Variants in PACS1 observed in about 807,000 individuals in gnomAD.
PACS1 encodes phosphofurin acidic cluster sorting protein 1.
Under a neutral mutation model 115.0 loss-of-function variants are expected in PACS1, and 24 were observed. The observed-to-expected ratio is 0.21, with a 90% CI of 0.15 to 0.29. The LOEUF (loss-of-function observed/expected upper bound fraction) is 0.29, where lower values mean the gene tolerates loss of function less well. Among genes scored for constraint, PACS1 ranks in the 10% least tolerant of loss-of-function variants. The pLI, the probability that PACS1 is intolerant of heterozygous loss-of-function variation, is 1.00. For synonymous variants in PACS1, 453 were observed against 504.5 expected (o/e 0.90, Z 1.37); for missense variants, 838 against 1,251.2 (o/e 0.67, Z 4.98).
chr11:66,206,640 G>C (rs949939874), intron 2 of PACS1, among the ~76,000 whole-genome samples: 3 of 152,254 alleles, frequency 2.0e-5, no homozygotes, highest in Admixed American at 2.0e-4. Context: ...GGCTACTGCT[G>C]TTGGAAGGTG....
intron 1 of PACS1, among the ~76,000 whole-genome samples, chr11:66,086,052 A>G (rs1399253717): frequency 6.6e-6 from 1 of 152,090 alleles, no homozygotes; most frequent in East Asian, 1.9e-4. Flanking sequence ...AAAACAAAGT[A>G]TAATCTTTCC....
intron 1 of PACS1, among the ~76,000 whole-genome samples, chr11:66,175,900 A>C (rs1330475062): frequency 6.6e-6 from 1 of 152,024 alleles, no homozygotes; most frequent in Non-Finnish European, 1.5e-5. Flanking sequence ...CTCAGATTGA[A>C]TTTTTTTCCT....
chr11:66,123,433 C>G (rs182731427), intron 1 of PACS1, among the ~76,000 whole-genome samples: 246 of 152,262 alleles, frequency 1.6e-3, no homozygotes, highest in Middle Eastern at 6.8e-3. Context: ...CTAAGGTGAT[C>G]CACCTGCCTC....
chr11:66,172,435 C>T (rs1201697131), intron 1 of PACS1, among the ~76,000 whole-genome samples: 1 of 152,176 alleles, frequency 6.6e-6, no homozygotes. Flanking sequence ...CTGTGGGATG[C>T]CGGCTGCCAT....
At chr11:66,087,091 C>T (rs1041469107) in intron 1 of PACS1, among the ~76,000 whole-genome samples, 4 of 152,080 alleles carry the variant, frequency 2.6e-5, no homozygotes, top group African/African-American at 9.7e-5. Flanking sequence ...ACATTACCAA[C>T]GCCCCAGAAC....
chr11:66,182,573 T>C (rs939382079), intron 1 of PACS1, among the ~76,000 whole-genome samples: 1 of 152,092 alleles, frequency 6.6e-6, no homozygotes, highest in Non-Finnish European at 1.5e-5. Context: ...TGTGAGCCTC[T>C]CACCTTAGCC....
intron 1 of PACS1, among the ~76,000 whole-genome samples, chr11:66,137,292 TA>T (rs1858869012): frequency 6.6e-6 from 1 of 152,102 alleles, no homozygotes; most frequent in South Asian, 2.1e-4. Flanking sequence ...TTAAATCTTT[TA>T]TGCATCTAGA....
chr11:66,230,325 T>TG, intron 11 of PACS1: 1 of 551,768 alleles, frequency 1.8e-6, no homozygotes, highest in Non-Finnish European at 3.3e-6. Flanking sequence ...GGATATTTAC[T>TG]GGATTGCAGC....
chr11:66,117,907 G>T (rs138793366), intron 1 of PACS1, among the ~76,000 whole-genome samples: 38 of 152,234 alleles, frequency 2.5e-4, no homozygotes, highest in African/African-American at 8.9e-4. Flanking sequence ...ATAATGATGC[G>T]GTAGACTTTC....
intron 1 of PACS1, among the ~76,000 whole-genome samples, chr11:66,162,529 G>A (rs1859515328): frequency 2.0e-5 from 3 of 152,212 alleles, no homozygotes; most frequent in Non-Finnish European, 4.4e-5. Context: ...AGAATGCCCA[G>A]GATTCCCAGC....
intron 1 of PACS1, among the ~76,000 whole-genome samples, chr11:66,116,672 T>C (rs1858313630): frequency 6.6e-6 from 1 of 150,820 alleles, no homozygotes; most frequent in African/African-American, 2.5e-5. Flanking sequence ...GTGGATTACT[T>C]GAGCTCAGGA....
chr11:66,110,394 C>G (rs1858161354), intron 1 of PACS1, among the ~76,000 whole-genome samples: 1 of 152,114 alleles, frequency 6.6e-6, no homozygotes, highest in African/African-American at 2.4e-5. Context: ...TCACTGCAGC[C>G]TCGCCCTCCT....
At chr11:66,112,484 C>A (rs181155817) in intron 1 of PACS1, among the ~76,000 whole-genome samples, 1 of 152,208 alleles carries the variant, frequency 6.6e-6, no homozygotes, top group South Asian at 2.1e-4. Flanking sequence ...TCACATGCCT[C>A]TCGTTGCTTT....
chr11:66,142,103 C>A (rs1436543633), intron 1 of PACS1, among the ~76,000 whole-genome samples: 2 of 152,040 alleles, frequency 1.3e-5, no homozygotes, highest in African/African-American at 4.8e-5. Context: ...AGTCACCGCT[C>A]CCGGCCAGAG....
At chr11:66,172,693 T>C (rs865806090) in intron 1 of PACS1, among the ~76,000 whole-genome samples, 1 of 152,040 alleles carries the variant, frequency 6.6e-6, no homozygotes, top group Admixed American at 6.6e-5. Context: ...AGATAATAAA[T>C]GTGTTTTGCA....
intron 2 of PACS1, among the ~76,000 whole-genome samples, chr11:66,208,018 C>G (rs10896099): frequency 0.21 from 31,346 of 152,080 alleles, 3,323 homozygotes; most frequent in Middle Eastern, 0.28. Flanking sequence ...ATCCGCCCAC[C>G]TCAGCCTCCC....
At chr11:66,193,387 A>C (rs1444617215) in intron 1 of PACS1, 99 bp from the exon 2 acceptor site, 2 of 756,274 alleles carry the variant, frequency 2.6e-6, no homozygotes, top group Non-Finnish European at 4.6e-6. Flanking sequence ...GCGTTCTCAC[A>C]TTCTTACTTC....
At chr11:66,128,883 C>CA (rs71455705) in intron 1 of PACS1, among the ~76,000 whole-genome samples, 32,483 of 127,750 alleles carry the variant, frequency 0.25, 4,158 homozygotes, top group African/African-American at 0.35. Flanking sequence ...GACTCCATCT[C>CA]AAAAAAAAAA....
intron 8 of PACS1, 133 bp from the exon 9 acceptor site, chr11:66,220,498 C>G (rs1855317896): frequency 3.7e-6 from 3 of 820,190 alleles, no homozygotes; most frequent in Non-Finnish European, 5.8e-6. Context: ...GTGAAGGTTA[C>G]TCCAGCCAGT....
Sources: gnomAD v4.1 joint callset for allele counts (sites outside exome capture counted in the v4.1 genomes callset) on GRCh38, gnomAD v4.1.1 for gene constraint, MANE v1.5 for transcripts, NCBI Gene and HGNC (gene_info 2026-07-23, HGNC 2026-07-21) for gene names.